Variants in DHX9 observed in about 807,000 individuals in gnomAD.
DHX9 encodes DExH-box helicase 9.
A neutral mutation model predicts 148.7 loss-of-function variants in DHX9; 27 were observed. The observed-to-expected ratio is 0.18, with a 90% confidence interval of 0.13 to 0.25. DHX9 has a LOEUF of 0.25. Ranked by LOEUF, DHX9 falls within the 10% of genes least tolerant of loss-of-function variation. The probability of loss-of-function intolerance (pLI) is 1.00; values close to 1 mark genes in which losing one functional copy is unlikely to be tolerated. For missense variants in DHX9, 796 were observed against 1,559.6 expected, an observed-to-expected ratio of 0.51 and a Z score of 8.25; for synonymous variants, 529 against 516.6, an observed-to-expected ratio of 1.02 and a Z score of -0.33.
intron 11 of DHX9, 57 bp from the exon 12 acceptor site, chr1:182,859,936 C>CA (rs962805726): frequency 6.5e-7 from 1 of 1,531,376 alleles, no homozygotes; most frequent in Admixed American, 1.9e-5. Flanking sequence ...AGGATCAAGA[C>CA]AGTTGCTTCT....
intron 1 of DHX9, among the ~76,000 whole-genome samples, chr1:182,842,110 CT>C (rs757698845): frequency 3.9e-4 from 59 of 152,210 alleles, no homozygotes; most frequent in Non-Finnish European, 6.5e-4. Flanking sequence ...TTGGAAGTTA[CT>C]TTTTTAAATC....
At chr1:182,868,115 C>T (rs1009271878) in intron 14 of DHX9, among the ~76,000 whole-genome samples, 96 of 151,946 alleles carry the variant, frequency 6.3e-4, no homozygotes, top group African/African-American at 2.2e-3. Context: ...GAGTTGTATG[C>T]CAGGAAAGGG....
At chr1:182,854,716 C>T (rs1328382375) in intron 6 of DHX9, among the ~76,000 whole-genome samples, 1 of 152,086 alleles carries the variant, frequency 6.6e-6, no homozygotes, top group East Asian at 1.9e-4. Flanking sequence ...CAGCCTTGGT[C>T]TTTGTATGTG....
In DHX9 at chr1:182,853,720, A is replaced by G. The variant is rs191044746; in HGVS notation, c.477+302A>G. On this transcript the variant is annotated intron_variant, in intron 5 of 27. Coordinates refer to ENST00000367549, the MANE Select transcript of DHX9 (RefSeq NM_001357.5). ...CCTTATTTTATGAGCACTTAGAGTA[A>G]AAAAAAGTCTTTAGTATAGCTTATT... Among the ~76,000 whole-genome samples the G allele has an allele frequency of 2.0e-4, 30 of 152,186 alleles. No homozygotes were observed. In the East Asian group the frequency reaches 5.6e-3, roughly 28 times the overall value.
Position 182,887,747 on chromosome 1 carries a change from G to A in DHX9, c.*313G>A, listed in dbSNP as rs188622342. Reference sequence around the variant, plus strand: ...ACAATAGAAAATAAAGTATTACACCGAATACTTGCCGTGTAGTTTGTTTGT... The same window carrying A: ...ACAATAGAAAATAAAGTATTACACCAAATACTTGCCGTGTAGTTTGTTTGT... On this transcript the variant is annotated 3_prime_UTR_variant, in exon 28 of 28. Transcript: ENST00000367549. 30 of 251,440 alleles carry A rather than the reference G, an allele frequency of 1.2e-4. 1 individual carries two copies. The highest frequency in any genetic ancestry group is 4.4e-4 in the Admixed American group (9 of 20,290). The allele number at this position is 251,440 out of a possible 1,614,324, so 15.6% of individuals were successfully genotyped here.
intron 27 of DHX9, among the ~76,000 whole-genome samples, chr1:182,886,125 G>C (rs1359315675): frequency 6.6e-6 from 1 of 152,034 alleles, no homozygotes; most frequent in Non-Finnish European, 1.5e-5. Flanking sequence ...AAATGGAATA[G>C]TGCAATGAAA....
chr1:182,852,284 G>A lies in DHX9; in HGVS notation c.304G>A (p.Glu102Lys). 3 of 1,613,294 alleles carry A rather than the reference G, an allele frequency of 1.9e-6. No homozygotes were observed. The highest frequency in any genetic ancestry group is 2.5e-6 in the Non-Finnish European group (3 of 1,179,690). ...TDTPDTTANA[E>K]GDLPTTMGGP... ...TACTCCTGACACTACAGCAAATGCTGAAGGAGATTTACCAACAACCATGGG... is the reference window on the plus strand; with the variant it reads ...TACTCCTGACACTACAGCAAATGCTAAAGGAGATTTACCAACAACCATGGG... The change falls in exon 4 of 28, where the codon GAA (glutamate) becomes AAA (lysine). Residue 102 changes from glutamate to lysine, a missense_variant. Physicochemically the swap from Glu to Lys is moderately conservative, Grantham distance 56. Transcript: ENST00000367549.
chr1:182,852,060 T>C (rs1668160344), intron 3 of DHX9, among the ~76,000 whole-genome samples, 173 bp from the exon 4 acceptor site: 1 of 152,222 alleles, frequency 6.6e-6, no homozygotes, highest in Admixed American at 6.5e-5. Flanking sequence ...CAACCAGTTC[T>C]TCATTGCAGA....
chr1:182,852,413 T>C, intron 4 of DHX9, 69 bp downstream of exon 4: 1 of 1,167,998 alleles, frequency 8.6e-7, no homozygotes, highest in Non-Finnish European at 1.2e-6. Context: ...CATCTCTGTT[T>C]CTCGTTTTGG....
rs750125814 is a variant in DHX9 at position 182,866,940 on chromosome 1, TTGA to T, written c.1475-19_1475-17del. 3 of 1,589,120 alleles carry T rather than the reference TTGA, an allele frequency of 1.9e-6. No homozygotes were observed. The South Asian group carries it at 3.4e-5, about 18-fold the overall frequency. Reference sequence around the variant, plus strand: ...CTACTTTGAACTTTTCTATAGTTTATTGATTGTTTTTCTTTTCAAGGTGTGCTC... The same window carrying T: ...CTACTTTGAACTTTTCTATAGTTTATTTGTTTTTCTTTTCAAGGTGTGCTC... On this transcript the variant is annotated intron_variant, in intron 13 of 27. Coordinates refer to ENST00000367549, the MANE Select transcript of DHX9 (RefSeq NM_001357.5).
At chr1:182,844,660 A>G (rs946979707) in intron 3 of DHX9, among the ~76,000 whole-genome samples, 4 of 152,192 alleles carry the variant, frequency 2.6e-5, no homozygotes, top group African/African-American at 9.7e-5. Context: ...CAGTCTCCTA[A>G]GTAGCTGGGA....
Position 182,852,263 on chromosome 1 carries a change from C to A in DHX9, c.283C>A (p.Pro95Thr). ...VASPPPLTDTPDTTANAEGDL... is the reference protein window; with the variant it reads ...VASPPPLTDTTDTTANAEGDL... ...ATCTCCGCCCCCACTTACTGATACT[C>A]CTGACACTACAGCAAATGCTGAAGG... Residue 95 changes from proline to threonine, a missense_variant, in exon 4 of 28, where the codon CCT becomes ACT. Coordinates refer to ENST00000367549, the MANE Select transcript of DHX9 (RefSeq NM_001357.5). 1 of 1,612,794 alleles carries A rather than the reference C, an allele frequency of 6.2e-7. No homozygotes were observed. Among genetic ancestry groups the A allele is most frequent in the African/African-American group, 1.3e-5 (1 of 75,006 alleles).
At chr1:182,852,140 T>G (rs72727043) in intron 3 of DHX9, 93 bp from the exon 4 acceptor site, 1 of 678,290 alleles carries the variant, frequency 1.5e-6, no homozygotes, top group Non-Finnish European at 2.5e-6. Flanking sequence ...AGAAAGGAGG[T>G]ATGACACATG....
intron 3 of DHX9, among the ~76,000 whole-genome samples, chr1:182,849,888 A>G (rs1668100649): frequency 6.6e-6 from 1 of 151,958 alleles, no homozygotes; most frequent in Non-Finnish European, 1.5e-5. Context: ...ATGTGTCACA[A>G]ATATTTTTTC....
Position 182,856,545 on chromosome 1 carries a change from G to C in DHX9, c.640G>C (p.Glu214Gln), listed in dbSNP as rs1192370940. The change falls in exon 7 of 28, where the codon GAA (glutamate) becomes CAA (glutamine). Residue 214 changes from glutamate (E) to glutamine (Q), a missense_variant. By Grantham distance (29) the Glu-to-Gln change is conservative. Coordinates refer to ENST00000367549, the MANE Select transcript of DHX9 (RefSeq NM_001357.5). Reference protein sequence around the residue: ...GPDHNRSFIAEMTIYIKQLGR... With the variant: ...GPDHNRSFIAQMTIYIKQLGR... ...ATGTTGTTACAGGAGCTTTATTGCA[G>C]AAATGACCATTTATATCAAGCAGCT... 6.2e-7 allele frequency: 1 copy of C among 1,613,770 alleles called. No homozygotes were observed. Among genetic ancestry groups the C allele is most frequent in the African/African-American group, 1.3e-5 (1 of 74,880 alleles).
chr1:182,883,115 T>C, intron 24 of DHX9, 24 bp from the exon 25 acceptor site: 1 of 1,562,882 alleles, frequency 6.4e-7, no homozygotes, highest in East Asian at 2.2e-5. Context: ...CTGATTTTTG[T>C]TTTCACTGTG....
intron 15 of DHX9, among the ~76,000 whole-genome samples, 159 bp from the exon 16 acceptor site, chr1:182,874,695 G>C (rs959563424): frequency 1.3e-5 from 2 of 152,120 alleles, no homozygotes; most frequent in African/African-American, 4.8e-5. Flanking sequence ...AGTTTGATTA[G>C]GAAAATAAGG....
chr1:182,852,520 CAT>C (rs1294367563), intron 4 of DHX9, among the ~76,000 whole-genome samples, 176 bp downstream of exon 4: 9 of 152,182 alleles, frequency 5.9e-5, no homozygotes, highest in Non-Finnish European at 1.3e-4. Context: ...TTTCTTAGAA[CAT>C]GTGGTACAGC....
intron 10 of DHX9, 53 bp downstream of exon 10, chr1:182,858,947 T>C: frequency 6.2e-7 from 1 of 1,610,058 alleles, no homozygotes; most frequent in Admixed American, 1.7e-5. Flanking sequence ...CTCTTGAGAC[T>C]ATATTTGATT....
Sources: gnomAD v4.1 joint callset for allele counts (sites outside exome capture counted in the v4.1 genomes callset) on GRCh38, gnomAD v4.1.1 for gene constraint, MANE v1.5 for transcripts, NCBI Gene and HGNC (gene_info 2026-07-23, HGNC 2026-07-21) for gene names.